Variants in PCDHGA4 observed in about 807,000 individuals in gnomAD.
PCDHGA4 encodes the protein protocadherin gamma subfamily A, 4, also known as protocadherin gamma-A4.
Under a neutral mutation model 54.6 loss-of-function variants are expected in PCDHGA4, and 38 were observed. The observed-to-expected ratio is 0.70, with a 90% confidence interval of 0.54 to 0.91. The LOEUF is 0.91. Ranked by LOEUF, PCDHGA4 falls within the 40% of genes least tolerant of loss-of-function variation. The pLI is 0.00. For synonymous variants in PCDHGA4, 511 were observed against 512.9 expected, an observed-to-expected ratio of 1.00 and a Z score of 0.05; for missense variants, 1,298 against 1,220.9, an observed-to-expected ratio of 1.06 and a Z score of -0.94.
chr5:141,469,206 AG>A (rs1457933263), intron 1 of PCDHGA4, among the ~76,000 whole-genome samples: 1 of 150,920 alleles, frequency 6.6e-6, no homozygotes, highest in African/African-American at 2.4e-5. Context: ...AGCCTTTTGA[AG>A]TTGAGGCTTC....
In PCDHGA4 at chr5:141,366,650, A is replaced by G. The variant is rs879057621; in HGVS notation, c.2514+9029A>G. 6.2e-7 allele frequency: 1 copy of G among 1,614,262 alleles called. No homozygotes were observed. Among genetic ancestry groups the G allele is most frequent in the South Asian group, 1.1e-5 (1 of 91,092 alleles). The stretch of plus-strand genomic sequence containing the variant: ...GAGTCACCTGATCTTTCCCCAGCCC[A>G]ACTACGCAGACACGCTCCTTAGTGA... On this transcript the variant is annotated intron_variant, in intron 1 of 3. Transcript: ENST00000571252.
chr5:141,415,684 A>G, intron 1 of PCDHGA4: 2 of 1,437,842 alleles, frequency 1.4e-6, no homozygotes, highest in Non-Finnish European at 1.9e-6. Flanking sequence ...TTGCGGCATG[A>G]TGGTGGAAAG....
rs934206266 is a variant in PCDHGA4, at chr5:141,483,131, G to A, written c.2515-11676G>A. Among the ~76,000 whole-genome samples, 14 of 152,274 alleles carry A rather than the reference G, an allele frequency of 9.2e-5. No individual in the cohort carries two copies. The South Asian group carries it at 2.9e-3, about 32-fold the overall frequency. On this transcript the variant is annotated intron_variant, in intron 1 of 3. Transcript: ENST00000571252. ...AACAGACAGTCTTTGTAGGAGATGA[G>A]GTGAAGCAAGTAGGCAGGAGTTAGA...
intron 1 of PCDHGA4, chr5:141,478,188 C>T (rs770414950): frequency 4.3e-6 from 7 of 1,613,920 alleles, no homozygotes; most frequent in Non-Finnish European, 5.9e-6. Flanking sequence ...AAAAATCTCA[C>T]CTTTTATCTA....
intron 1 of PCDHGA4, among the ~76,000 whole-genome samples, chr5:141,488,118 A>G (rs1054356891): frequency 2.7e-4 from 41 of 152,190 alleles, no homozygotes; most frequent in Non-Finnish European, 2.9e-5. Context: ...AAACATAGAG[A>G]CAGCAGAAAG....
chr5:141,407,599 AAAG>A (rs1328416590), intron 1 of PCDHGA4, among the ~76,000 whole-genome samples: 13 of 152,198 alleles, frequency 8.5e-5, no homozygotes, highest in Admixed American at 2.0e-4. Flanking sequence ...CTCATCTTAA[AAAG>A]AAGCATTGGT....
rs778372966 is a variant in PCDHGA4, at chr5:141,477,105, A to G, written c.2515-17702A>G. The G allele has an allele frequency of 7.4e-6, 12 of 1,614,106 alleles. No individual in the cohort carries two copies. The highest frequency in any genetic ancestry group is 4.0e-5 in the African/African-American group (3 of 74,934). On this transcript the variant is annotated intron_variant, in intron 1 of 3. Transcript: ENST00000571252. This position sits in a 1 kb window ranked among gnomAD's most constrained non-coding sequence, Gnocchi z 4.9. ...ATCCAGGCCAAAGACAAGGGCGCCA[A>G]TCCCGAAGGAGCACATTGCAAAGTG...
rs534845593 is a variant in PCDHGA4, at chr5:141,478,216, G to A, written c.2515-16591G>A. On this transcript the variant is annotated intron_variant, in intron 1 of 3. Coordinates refer to ENST00000571252, the MANE Select transcript of PCDHGA4 (RefSeq NM_018917.4). ...TTTATCTACTTCTTTCTCTAATCCTGGTTTCTGTGGGGTTTGTGGTCACAG... is the reference window on the plus strand; with the variant it reads ...TTTATCTACTTCTTTCTCTAATCCTAGTTTCTGTGGGGTTTGTGGTCACAG... 414 of 1,614,090 alleles carry A rather than the reference G, an allele frequency of 2.6e-4. 9 individuals carry two copies. In the South Asian group the frequency reaches 4.4e-3, roughly 17 times the overall value.
At chr5:141,503,936 C>G (rs2099834285) in intron 2 of PCDHGA4, among the ~76,000 whole-genome samples, 1 of 152,186 alleles carries the variant, frequency 6.6e-6, no homozygotes, top group Non-Finnish European at 1.5e-5. Flanking sequence ...CATTTTCATG[C>G]CTTCAAGGCC....
At chr5:141,362,447 C>A (rs769703158) in intron 1 of PCDHGA4, 2 of 1,614,048 alleles carry the variant, frequency 1.2e-6, no homozygotes, top group East Asian at 2.2e-5. Context: ...CTGAACATAA[C>A]CCCGGAATTG....
rs962136728 is a variant in PCDHGA4 at position 141,491,524 on chromosome 5, G to A, written c.2515-3283G>A. 1 of 1,613,960 alleles carries A rather than the reference G, an allele frequency of 6.2e-7. No homozygotes were observed. The highest frequency in any genetic ancestry group is 1.3e-5 in the African/African-American group (1 of 74,936). On this transcript the variant is annotated intron_variant, in intron 1 of 3. Coordinates refer to ENST00000571252, the MANE Select transcript of PCDHGA4 (RefSeq NM_018917.4). The surrounding 1 kb of genome is among the most constrained non-coding windows in gnomAD (Gnocchi z 6.9). ...GGACGGCACGCTCAAGTACATGGAG[G>A]TGACGCTGCGGCCCACAGACTCGCA...
intron 1 of PCDHGA4, among the ~76,000 whole-genome samples, chr5:141,452,145 C>T (rs1414317332): frequency 6.6e-6 from 1 of 152,020 alleles, no homozygotes; most frequent in Non-Finnish European, 1.5e-5. Flanking sequence ...GTGTTTTTTC[C>T]AATGAGTTAT....
chr5:141,509,550 T>C (rs1562240751), intron 3 of PCDHGA4, among the ~76,000 whole-genome samples: 1 of 152,142 alleles, frequency 6.6e-6, no homozygotes, highest in Non-Finnish European at 1.5e-5. Flanking sequence ...TCTCATTTAG[T>C]CCTCACAGCA....
At chr5:141,484,912 T>G (rs1594427765) in intron 1 of PCDHGA4, 1 of 437,066 alleles carries the variant, frequency 2.3e-6, no homozygotes, top group East Asian at 4.0e-5. Flanking sequence ...TGCGACGCAT[T>G]AACCCTGCTG....
At chr5:141,464,982 T>A (rs914697541) in intron 1 of PCDHGA4, among the ~76,000 whole-genome samples, 1 of 152,030 alleles carries the variant, frequency 6.6e-6, no homozygotes, top group Non-Finnish European at 1.5e-5. Context: ...CTTCAAGTGA[T>A]CCTCCCACCT....
In PCDHGA4 at chr5:141,512,394, C is replaced by A. The variant is rs750967336; in HGVS notation, c.*1221C>A. 1 of 152,706 alleles carries A rather than the reference C, an allele frequency of 6.5e-6. No homozygotes were observed. The highest frequency in any genetic ancestry group is 1.5e-5 in the Non-Finnish European group (1 of 68,084). The allele number at this position is 152,706 out of a possible 1,614,324, so 9.5% of individuals were successfully genotyped here. ...GACCAAATGAACAGAAAGTCTCAGC[C>A]CAGGATGGGGCTTCTTCAACAGGGC... is the stretch of plus-strand genomic sequence containing the variant. On this transcript the variant is annotated 3_prime_UTR_variant, in exon 4 of 4. Transcript: ENST00000571252.
At chr5:141,427,570 C>A in intron 1 of PCDHGA4, 1 of 662,270 alleles carries the variant, frequency 1.5e-6, no homozygotes, top group Non-Finnish European at 2.8e-6. Flanking sequence ...GGCAAGCCTC[C>A]GCTCTCATCC....
At chr5:141,410,767 G>T in intron 1 of PCDHGA4, 6 of 942,270 alleles carry the variant, frequency 6.4e-6, no homozygotes, top group South Asian at 2.2e-5. Context: ...TTCAATTATA[G>T]TTTTCACTAT....
intron 1 of PCDHGA4, among the ~76,000 whole-genome samples, chr5:141,437,076 A>G (rs1018228245): frequency 6.6e-6 from 1 of 152,236 alleles, no homozygotes; most frequent in African/African-American, 2.4e-5. Flanking sequence ...TTTGGGCCAT[A>G]TAAGAATTGA....
Sources: gnomAD v4.1 joint callset for allele counts (sites outside exome capture counted in the v4.1 genomes callset) on GRCh38, gnomAD v4.1.1 for gene constraint, Gnocchi (gnomAD v3.1) non-coding constraint, MANE v1.5 for transcripts, NCBI Gene and HGNC (gene_info 2026-07-23, HGNC 2026-07-21) for gene names.